The following ZSWIM3 variants were observed in gnomAD, a reference collection of about 807,000 sequenced individuals.
ZSWIM3 encodes the protein zinc finger SWIM-type containing 3, also known as zinc finger SWIM domain-containing protein 3.
Under a neutral mutation model 47.5 loss-of-function variants are expected in ZSWIM3, and 27 were observed. The ratio of observed to expected loss-of-function variants is 0.57; its 90% CI spans 0.42 to 0.78. ZSWIM3 has a LOEUF of 0.78. Among genes scored for constraint, ZSWIM3 ranks in the 30% least tolerant of loss-of-function variants. The pLI is 0.00. For missense variants in ZSWIM3, 689 were observed against 861.3 expected (o/e 0.80, Z 2.50); for synonymous variants, 333 against 333.9 (o/e 1.00, Z 0.03).
chr20:45,864,982 AACAC>A (rs1301069785), intron 1 of ZSWIM3, among the ~76,000 whole-genome samples: 1 of 152,108 alleles, frequency 6.6e-6, no homozygotes, highest in Non-Finnish European at 1.5e-5. Context: ...CATCCTGGCT[AACAC>A]GGAGAAACCC....
chr20:45,878,265 C>T lies in ZSWIM3; in HGVS notation c.1707C>T (p.His569=), dbSNP rs775459561. ...LPCRHILALL[H]TSQQPVGEAM... is the part of the protein sequence containing the mutation. Reference sequence around the variant, plus strand: ...GCCGACACATTTTGGCTCTGCTGCACACCAGCCAGCAGCCGGTTGGTGAAG... The same window carrying T: ...GCCGACACATTTTGGCTCTGCTGCATACCAGCCAGCAGCCGGTTGGTGAAG... Residue 569 remains histidine, a synonymous_variant, in exon 2 of 2, where the codon CAC becomes CAT. Coordinates refer to ENST00000255152, the MANE Select transcript of ZSWIM3 (RefSeq NM_080752.4). The T allele has an allele frequency of 3.1e-6, 5 of 1,614,232 alleles. No homozygotes were observed. The highest frequency in any genetic ancestry group is 4.2e-6 in the Non-Finnish European group (5 of 1,180,036).
At chr20:45,859,652 GCATGTTAGAGTAA>G (rs1427652825) in intron 1 of ZSWIM3, among the ~76,000 whole-genome samples, 1 of 152,072 alleles carries the variant, frequency 6.6e-6, no homozygotes, top group African/African-American at 2.4e-5. Flanking sequence ...AAGAAGGTTG[GCATGTTAGAGTAA>G]CAGTGAGGGA....
chr20:45,868,365 AC>A (rs1165654903), intron 1 of ZSWIM3, among the ~76,000 whole-genome samples: 13 of 152,172 alleles, frequency 8.5e-5, no homozygotes, highest in Non-Finnish European at 1.3e-4. Flanking sequence ...TTTTGGCAAA[AC>A]CATCTTTTGT....
At chr20:45,872,670 G>A (rs1985999664) in intron 1 of ZSWIM3, 2 of 1,261,986 alleles carry the variant, frequency 1.6e-6, no homozygotes, top group Non-Finnish European at 2.1e-6. Context: ...TGTCTTTCTA[G>A]GACACAAAAA....
chr20:45,878,317 A>T lies in ZSWIM3; in HGVS notation c.1759A>T (p.Lys587Ter). 1 of 1,614,200 alleles carries T rather than the reference A, an allele frequency of 6.2e-7. No individual in the cohort carries two copies. Among genetic ancestry groups the T allele is most frequent in the Non-Finnish European group, 8.5e-7 (1 of 1,180,032 alleles). ...CATGGTGTGCCGCCGGTGGCAGAAG[A>T]AGTACCAGTACCTCCTTGGGCCCAA... The part of the protein sequence containing the change: ...EAMVCRRWQK[K>*]YQYLLGPNGE... Residue 587 changes from lysine to a stop codon, truncating the protein, a stop_gained, in exon 2 of 2, where the codon AAG (lysine) becomes TAG (stop). Coordinates refer to ENST00000255152, the MANE Select transcript of ZSWIM3 (RefSeq NM_080752.4). LOFTEE classifies it high-confidence loss of function.
chr20:45,864,189 A>G (rs1453883491), intron 1 of ZSWIM3, among the ~76,000 whole-genome samples: 1 of 152,172 alleles, frequency 6.6e-6, no homozygotes, highest in East Asian at 1.9e-4. Flanking sequence ...GAGTACAAAG[A>G]TGAGGAAATT....
At chr20:45,868,575 G>T (rs931359787) in intron 1 of ZSWIM3, among the ~76,000 whole-genome samples, 2 of 151,984 alleles carry the variant, frequency 1.3e-5, no homozygotes, top group African/African-American at 2.4e-5. Flanking sequence ...TAGAGACAGG[G>T]TTTCACCATG....
At chr20:45,874,367 T>G (rs1986042815) in intron 1 of ZSWIM3, among the ~76,000 whole-genome samples, 1 of 152,010 alleles carries the variant, frequency 6.6e-6, no homozygotes, top group African/African-American at 2.4e-5. Context: ...CAAAAATTAG[T>G]CAGGTGCAGT....
At chr20:45,863,423 G>T (rs1985759100) in intron 1 of ZSWIM3, among the ~76,000 whole-genome samples, 1 of 152,126 alleles carries the variant, frequency 6.6e-6, no homozygotes, top group Admixed American at 6.6e-5. Flanking sequence ...TCAGGAACAG[G>T]GTGGGGGTGC....
chr20:45,877,246 C>A lies in ZSWIM3; in HGVS notation c.688C>A (p.Gln230Lys). Residue 230 changes from glutamine (Q) to lysine (K), a missense_variant, in exon 2 of 2, where the codon CAG becomes AAG. By Grantham distance (53) the Gln-to-Lys change is moderately conservative. Transcript: ENST00000255152. Reference protein sequence around the residue: ...NLLLHRVENTQGHILYAFLVE... With the variant: ...NLLLHRVENTKGHILYAFLVE... ...CTTGCTACACCGGGTGGAGAACACC[C>A]AGGGCCACATCCTCTATGCTTTCTT... The A allele has an allele frequency of 6.2e-7, 1 of 1,614,122 alleles. No homozygotes were observed. The highest frequency in any genetic ancestry group is 8.5e-7 in the Non-Finnish European group (1 of 1,180,030).
intron 1 of ZSWIM3, among the ~76,000 whole-genome samples, chr20:45,873,278 G>C (rs762177480): frequency 1.3e-5 from 2 of 152,188 alleles, no homozygotes; most frequent in Non-Finnish European, 2.9e-5. Flanking sequence ...GCGCATGCCT[G>C]TAATCCCAGC....
chr20:45,876,570 C>T (rs1028738700), intron 1 of ZSWIM3, 144 bp from the exon 2 acceptor site: 11 of 983,866 alleles, frequency 1.1e-5, no homozygotes, highest in African/African-American at 1.6e-5. Context: ...GACTCCTGGG[C>T]TCAAGTGATC....
intron 1 of ZSWIM3, among the ~76,000 whole-genome samples, chr20:45,860,510 CAA>C (rs59152975): frequency 1.4e-4 from 14 of 102,634 alleles, no homozygotes; most frequent in South Asian, 9.8e-4. Context: ...GACTCCATCT[CAA>C]AAAAAAAAAA....
chr20:45,861,521 G>A (rs1985707951), intron 1 of ZSWIM3, among the ~76,000 whole-genome samples: 1 of 152,146 alleles, frequency 6.6e-6, no homozygotes, highest in African/African-American at 2.4e-5. Context: ...GATTTATGCT[G>A]GAGCAGCAGG....
At chr20:45,872,795 T>C in intron 1 of ZSWIM3, 1 of 1,289,362 alleles carries the variant, frequency 7.8e-7, no homozygotes, top group Non-Finnish European at 1.0e-6. Flanking sequence ...GAGCTAGAGA[T>C]GGCACCACCC....
At chr20:45,868,000 T>C (rs1017842835) in intron 1 of ZSWIM3, among the ~76,000 whole-genome samples, 5 of 152,218 alleles carry the variant, frequency 3.3e-5, no homozygotes, top group African/African-American at 1.2e-4. Context: ...CACACAAGAA[T>C]CTTGCTAACA....
At chr20:45,873,628 C>T (rs1017610964) in intron 1 of ZSWIM3, among the ~76,000 whole-genome samples, 1 of 152,178 alleles carries the variant, frequency 6.6e-6, no homozygotes, top group East Asian at 1.9e-4. Context: ...TTGCCTGTGG[C>T]TCATTTAATC....
In ZSWIM3 at chr20:45,878,022, G is replaced by A. The variant is rs17446462; in HGVS notation, c.1464G>A (p.Pro488=). Residue 488 remains proline, a synonymous_variant, in exon 2 of 2, where the codon CCG becomes CCA. Transcript: ENST00000255152. ...AGGTACAGCAGCAGTCACAAGTGCC[G>A]CCCTCGCAGGTTGGCATGCTGGACA... ...QVQVQQQSQV[P]PSQVGMLDTL... 0.05 allele frequency: 80,974 copies of A among 1,614,026 alleles called. 2,621 individuals carry two copies. The highest frequency in any genetic ancestry group is 0.13 in the South Asian group (11,471 of 91,082).
chr20:45,862,399 G>C (rs1985732004), intron 1 of ZSWIM3, among the ~76,000 whole-genome samples: 1 of 152,004 alleles, frequency 6.6e-6, no homozygotes. Flanking sequence ...ACCCGCCTCA[G>C]CCTCCCCTGC....
Sources: gnomAD v4.1 joint callset for allele counts (sites outside exome capture counted in the v4.1 genomes callset) on GRCh38, gnomAD v4.1.1 for gene constraint, MANE v1.5 for transcripts, NCBI Gene and HGNC (gene_info 2026-07-23, HGNC 2026-07-21) for gene names.